Variants in MINAR2 observed in about 807,000 individuals in gnomAD.
The protein encoded by MINAR2 is membrane integral NOTCH2 associated receptor 2, also known as major intrinsically disordered NOTCH2-binding receptor 1-like.
A neutral mutation model predicts 16.1 loss-of-function variants in MINAR2; 21 were observed. The observed-to-expected ratio is 1.31, with a 90% CI of 0.93 to 1.88. The LOEUF is 1.88. Among genes scored for constraint, MINAR2 ranks in the 40% most tolerant of loss-of-function variants. MINAR2 has a pLI of 0.00. For missense variants in MINAR2, 259 were observed against 229.8 expected, an observed-to-expected ratio of 1.13 and a Z score of -0.82; for synonymous variants, 86 against 83.0, an observed-to-expected ratio of 1.04 and a Z score of -0.20.
chr5:129,763,265 G>T (rs1177016672), intron 2 of MINAR2, among the ~76,000 whole-genome samples: 2 of 152,170 alleles, frequency 1.3e-5, no homozygotes, highest in Non-Finnish European at 2.9e-5. Flanking sequence ...CTTCCTGAGA[G>T]AAGCTTCTGG....
At chr5:129,753,538 G>C (rs1046947910) in intron 1 of MINAR2, among the ~76,000 whole-genome samples, 3 of 149,824 alleles carry the variant, frequency 2.0e-5, no homozygotes, top group African/African-American at 7.4e-5. Context: ...TGGATCAGCA[G>C]GTCAGGAGTT....
At position 129,748,286 on chromosome 5, in the gene MINAR2, C is replaced by A. The variant is rs1336770057; in HGVS notation, c.96C>A (p.Ala32=). 3.3e-6 allele frequency: 5 copies of A among 1,535,218 alleles called. No homozygotes were observed. The highest frequency in any genetic ancestry group is 3.9e-5 in the Admixed American group (2 of 50,970). ...CGAGGAGCTCAGCCCTCCTTCAGGCCAGCCTGGTGAGGTTTCCGGGTGGAA... is the reference window on the plus strand; with the variant it reads ...CGAGGAGCTCAGCCCTCCTTCAGGCAAGCCTGGTGAGGTTTCCGGGTGGAA... ...SLTRSSALLQ[A]SLVRFPGGNY... is the part of the protein sequence containing the mutation. Residue 32 remains alanine, a synonymous_variant, in exon 1 of 3, where the codon GCC becomes GCA. Coordinates refer to ENST00000564719, the MANE Select transcript of MINAR2 (RefSeq NM_001257308.2).
chr5:129,751,775 A>C (rs1411118760), intron 1 of MINAR2, among the ~76,000 whole-genome samples: 1 of 152,232 alleles, frequency 6.6e-6, no homozygotes, highest in Admixed American at 6.5e-5. Flanking sequence ...GATGTTTCTG[A>C]TGAAGGCATT....
chr5:129,761,771 G>A (rs1322935158), intron 2 of MINAR2, among the ~76,000 whole-genome samples: 1 of 152,082 alleles, frequency 6.6e-6, no homozygotes, highest in Non-Finnish European at 1.5e-5. Flanking sequence ...GTATGTTAGG[G>A]CCTCTTCCTT....
At chr5:129,764,861 T>C (rs1758188246) in intron 2 of MINAR2, 23 bp from the exon 3 acceptor site, 4 of 1,251,000 alleles carry the variant, frequency 3.2e-6, no homozygotes, top group Non-Finnish European at 4.1e-6. Context: ...ATTAATCATA[T>C]TCTCTATGTA....
intron 1 of MINAR2, among the ~76,000 whole-genome samples, chr5:129,751,848 A>AT (rs1234125210): frequency 1.3e-5 from 2 of 152,176 alleles, no homozygotes; most frequent in African/African-American, 2.4e-5. Flanking sequence ...AAAAAGGCTG[A>AT]TTTTTTTAAA....
In MINAR2 at chr5:129,765,630, T is replaced by C. The variant is rs1477153764; in HGVS notation, c.*567T>C. On this transcript the variant is annotated 3_prime_UTR_variant, in exon 3 of 3. Transcript: ENST00000564719. ...TCAGAAAAAAGGAAAAAGGGAAATA[T>C]CTTATTCAAATCTATTCTTATTTCC... is the stretch of plus-strand genomic sequence containing the variant. 6.6e-6 allele frequency: 1 copy of C among 152,212 alleles called. No homozygotes were observed. Among genetic ancestry groups the C allele is most frequent in the Admixed American group, 6.5e-5 (1 of 15,282 alleles). The allele number at this position is 152,212 out of a possible 1,614,324, so 9.4% of individuals were successfully genotyped here.
At chr5:129,749,989 G>T (rs987213098) in intron 1 of MINAR2, among the ~76,000 whole-genome samples, 2 of 152,152 alleles carry the variant, frequency 1.3e-5, no homozygotes, top group Non-Finnish European at 2.9e-5. Context: ...AAATAAACTT[G>T]ATTTAGGTAT....
In MINAR2 at chr5:129,754,113, A is replaced by T. The variant is rs982855225; in HGVS notation, c.165+5758A>T. On this transcript the variant is annotated intron_variant, in intron 1 of 2. Transcript: ENST00000564719. The stretch of plus-strand genomic sequence containing the variant: ...AAATGTCTCTGGCATGAAAGCCTAT[A>T]TTAAAGGTACCTTGTATGTTATAAT... Among the ~76,000 whole-genome samples, 12 of 152,158 alleles carry T rather than the reference A, an allele frequency of 7.9e-5. 1 individual carries two copies. The highest frequency in any genetic ancestry group is 2.9e-4 in the African/African-American group (12 of 41,426).
At chr5:129,757,092 A>C in intron 1 of MINAR2, among the ~76,000 whole-genome samples, 1 of 151,132 alleles carries the variant, frequency 6.6e-6, no homozygotes, top group African/African-American at 2.4e-5. Flanking sequence ...ATCTCATCAC[A>C]TATGTATAAT....
intron 1 of MINAR2, among the ~76,000 whole-genome samples, chr5:129,754,827 T>A (rs1758035448): frequency 6.6e-6 from 1 of 152,152 alleles, no homozygotes; most frequent in Non-Finnish European, 1.5e-5. Flanking sequence ...ATAACCCTAT[T>A]TCTTTTATTT....
Position 129,765,291 on chromosome 5 carries a change from T to C in MINAR2, c.*228T>C. 5.4e-6 allele frequency: 2 copies of C among 369,236 alleles called. No individual in the cohort carries two copies. 22.9% of individuals were successfully genotyped at this position (369,236 alleles called of 1,614,324 possible). Reference sequence around the variant, plus strand: ...CTTTCTAAGAGTGCCACCCTGAACTTTGGGAAGCAGGAATTCTGAGGACCA... The same window carrying C: ...CTTTCTAAGAGTGCCACCCTGAACTCTGGGAAGCAGGAATTCTGAGGACCA... On this transcript the variant is annotated 3_prime_UTR_variant, in exon 3 of 3. Transcript: ENST00000564719.
chr5:129,748,140 G>C lies in MINAR2; in HGVS notation c.-51G>C. Reference sequence around the variant, plus strand: ...AGGCACATTAATAATGGAGGAGTCTGACAAGAGCAGCTTTGCCTGTCTTTG... The same window carrying C: ...AGGCACATTAATAATGGAGGAGTCTCACAAGAGCAGCTTTGCCTGTCTTTG... On this transcript the variant is annotated 5_prime_UTR_variant, in exon 1 of 3. Coordinates refer to ENST00000564719, the MANE Select transcript of MINAR2 (RefSeq NM_001257308.2). 1 of 1,506,704 alleles carries C rather than the reference G, an allele frequency of 6.6e-7. No individual in the cohort carries two copies. 93.3% of individuals were successfully genotyped at this position (1,506,704 alleles called of 1,614,324 possible). A position where few individuals can be genotyped will look rare whatever the true frequency, so the allele number is the denominator to read the frequency against.
chr5:129,748,161 C>A lies in MINAR2; in HGVS notation c.-30C>A. On this transcript the variant is annotated 5_prime_UTR_variant, in exon 1 of 3. Coordinates refer to ENST00000564719, the MANE Select transcript of MINAR2 (RefSeq NM_001257308.2). ...GTCTGACAAGAGCAGCTTTGCCTGT[C>A]TTTGTTTTCCACTGTAGGTGAAGGG... 1 of 1,530,606 alleles carries A rather than the reference C, an allele frequency of 6.5e-7. No homozygotes were observed. Among genetic ancestry groups the A allele is most frequent in the Non-Finnish European group, 8.7e-7 (1 of 1,143,562 alleles). The allele number at this position is 1,530,606 out of a possible 1,614,324, so 94.8% of individuals were successfully genotyped here. A position where few individuals can be genotyped will look rare whatever the true frequency, so the allele number is the denominator to read the frequency against.
intron 1 of MINAR2, among the ~76,000 whole-genome samples, chr5:129,756,148 C>T (rs1035648997): frequency 1.3e-5 from 2 of 151,800 alleles, no homozygotes; most frequent in East Asian, 1.9e-4. Flanking sequence ...TGTCAATGGT[C>T]GAAAAGCATG....
chr5:129,750,536 T>G (rs1757973405), intron 1 of MINAR2, among the ~76,000 whole-genome samples: 1 of 152,176 alleles, frequency 6.6e-6, no homozygotes, highest in African/African-American at 2.4e-5. Context: ...CCTCAGTATT[T>G]CCACTTGCAG....
At position 129,748,289 on chromosome 5, in the gene MINAR2, C is replaced by G; in HGVS notation, c.99C>G (p.Ser33Arg). ...LTRSSALLQA[S>R]LVRFPGGNYP... ...GGAGCTCAGCCCTCCTTCAGGCCAG[C>G]CTGGTGAGGTTTCCGGGTGGAAATT... The change falls in exon 1 of 3, where the codon AGC (serine) becomes AGG (arginine). Residue 33 changes from serine (S) to arginine (R), a missense_variant. Ser to Arg is a moderately radical substitution (Grantham distance 110). Coordinates refer to ENST00000564719, the MANE Select transcript of MINAR2 (RefSeq NM_001257308.2). The G allele has an allele frequency of 6.5e-7, 1 of 1,535,252 alleles. No individual in the cohort carries two copies. The highest frequency in any genetic ancestry group is 8.7e-7 in the Non-Finnish European group (1 of 1,146,578).
rs56796299 is a variant in MINAR2, at chr5:129,750,233, T to C, written c.165+1878T>C. Among the ~76,000 whole-genome samples the C allele has an allele frequency of 9.2e-5, 14 of 152,304 alleles. 1 individual carries two copies. In the East Asian group the frequency reaches 2.5e-3, roughly 27 times the overall value. On this transcript the variant is annotated intron_variant, in intron 1 of 2. Coordinates refer to ENST00000564719, the MANE Select transcript of MINAR2 (RefSeq NM_001257308.2). ...TTAAAATCCATGATTGATATATTCATTGGATAAAACAATAAATGTCATAGA... is the reference window on the plus strand; with the variant it reads ...TTAAAATCCATGATTGATATATTCACTGGATAAAACAATAAATGTCATAGA...
chr5:129,760,129 CT>C (rs1285283381), intron 1 of MINAR2, among the ~76,000 whole-genome samples: 2 of 152,070 alleles, frequency 1.3e-5, no homozygotes, highest in Non-Finnish European at 2.9e-5. Context: ...AAGGCTCTTT[CT>C]CTGTAGTTAT....
Sources: gnomAD v4.1 joint callset for allele counts (sites outside exome capture counted in the v4.1 genomes callset) on GRCh38, gnomAD v4.1.1 for gene constraint, MANE v1.5 for transcripts, NCBI Gene and HGNC (gene_info 2026-07-23, HGNC 2026-07-21) for gene names.